The following RHOBTB2 variants were observed in gnomAD, a reference collection of about 807,000 sequenced individuals.
RHOBTB2 encodes the protein Rho related BTB domain containing 2, also known as rho-related BTB domain-containing protein 2.
In RHOBTB2, 39 loss-of-function variants were observed where a neutral mutation model predicts 66.5. That is an observed-to-expected ratio of 0.59 (90% CI 0.45 to 0.77). RHOBTB2 has a LOEUF of 0.77. Ranked by LOEUF, RHOBTB2 falls within the 30% of genes least tolerant of loss-of-function variation. The probability of loss-of-function intolerance (pLI) is 0.00; values close to 1 mark genes in which losing one functional copy is unlikely to be tolerated. For missense variants in RHOBTB2, 755 were observed against 999.1 expected (o/e 0.76, Z 3.29); for synonymous variants, 390 against 395.0 (o/e 0.99, Z 0.15).
At position 23,020,182 on chromosome 8, in the gene RHOBTB2, T is replaced by C. The variant is rs752276659; in HGVS notation, c.*2713T>C. ...ATTTGGTCATGGATTCATAAATACA[T>C]AAGTATTTTGTACACAATGTGCTTC... On this transcript the variant is annotated 3_prime_UTR_variant, in exon 10 of 10. Transcript: ENST00000251822. 1 of 429,580 alleles carries C rather than the reference T, an allele frequency of 2.3e-6. No individual in the cohort carries two copies. The highest frequency in any genetic ancestry group is 4.7e-6 in the Non-Finnish European group (1 of 212,140). The allele number at this position is 429,580 out of a possible 1,614,324, so 26.6% of individuals were successfully genotyped here.
chr8:22,991,696 G>A lies in RHOBTB2; in HGVS notation c.-136-372G>A, dbSNP rs545718288. On this transcript the variant is annotated intron_variant, in intron 1 of 11. Transcript: ENST00000519685. ...CTCTGACTTGCATTGTCATTTGGGG[G>A]TCTGTGTACCAAGAAGGCAGAGGGT... Among the ~76,000 whole-genome samples the A allele has an allele frequency of 1.1e-3, 174 of 152,256 alleles. 1 individual carries two copies. The highest frequency in any genetic ancestry group is 4.1e-3 in the African/African-American group (170 of 41,544).
At chr8:22,950,940 C>A in the RHOBTB2 span, among the ~76,000 whole-genome samples, 1,912 of 152,326 alleles carry the variant, frequency 0.013, 52 homozygotes, top group African/African-American at 0.043. Context: ...CCGGCATTCA[C>A]CGCTGCAAGT....
At chr8:23,011,039 A>G (rs1335427913) in intron 7 of RHOBTB2, among the ~76,000 whole-genome samples, 1 of 152,218 alleles carries the variant, frequency 6.6e-6, no homozygotes, top group Non-Finnish European at 1.5e-5. Flanking sequence ...AGACCAGCCT[A>G]GCCAACATGG....
At chr8:22,957,872 A>C in the RHOBTB2 span, among the ~76,000 whole-genome samples, 28 of 152,308 alleles carry the variant, frequency 1.8e-4, 1 homozygote, top group South Asian at 5.6e-3. Flanking sequence ...AAATGGGTCC[A>C]GGTGCTGGGG....
At chr8:22,979,275 T>C in the RHOBTB2 span, among the ~76,000 whole-genome samples, 39,290 of 152,084 alleles carry the variant, frequency 0.26, 5,487 homozygotes, top group Admixed American at 0.32. Context: ...AAATCTGTGC[T>C]TCTCTCAAAC....
Position 23,004,240 on chromosome 8 carries a change from G to T in RHOBTB2, c.-10-185G>T. 1 of 612,376 alleles carries T rather than the reference G, an allele frequency of 1.6e-6. No individual in the cohort carries two copies. The highest frequency in any genetic ancestry group is 2.9e-6 in the Non-Finnish European group (1 of 342,030). The allele number at this position is 612,376 out of a possible 1,614,324, so 37.9% of individuals were successfully genotyped here. ...TGACACTGCTCCTCTCAGCCTGAAT[G>T]GGCTCCTGGCCCCTTGGACCCTCGC... On this transcript the variant is annotated intron_variant, in intron 1 of 9. Transcript: ENST00000251822. This position sits in a 1 kb window ranked among gnomAD's most constrained non-coding sequence, Gnocchi z 6.4.
In RHOBTB2 at chr8:22,999,821, A is replaced by G. The variant is rs1376873071; in HGVS notation, c.-295A>G. On this transcript the variant is annotated 5_prime_UTR_variant, in exon 1 of 10. Coordinates refer to ENST00000251822, the MANE Select transcript of RHOBTB2 (RefSeq NM_015178.3). The stretch of plus-strand genomic sequence containing the variant: ...GCCCGGCTCCGCGCGCCGCCGTGAC[A>G]TTGGGCGCCTGGCGCGCGGGGCGAT... 4.1e-6 allele frequency: 4 copies of G among 983,332 alleles called. No individual in the cohort carries two copies. Among genetic ancestry groups the G allele is most frequent in the Non-Finnish European group, 4.8e-6 (4 of 829,594 alleles). 60.9% of individuals were successfully genotyped at this position (983,332 alleles called of 1,614,324 possible).
At chr8:22,966,876 T>C in the RHOBTB2 span, among the ~76,000 whole-genome samples, 1 of 152,162 alleles carries the variant, frequency 6.6e-6, no homozygotes, top group Non-Finnish European at 1.5e-5. Context: ...GGATGTCCAT[T>C]ATATATATTT....
At chr8:22,959,531 G>T in the RHOBTB2 span, among the ~76,000 whole-genome samples, 8 of 152,094 alleles carry the variant, frequency 5.3e-5, no homozygotes, top group African/African-American at 1.4e-4. Context: ...TGGGATTACA[G>T]GCATGAGTCA....
At chr8:22,954,851 G>A in the RHOBTB2 span, among the ~76,000 whole-genome samples, 8 of 152,206 alleles carry the variant, frequency 5.3e-5, no homozygotes, top group African/African-American at 1.9e-4. Flanking sequence ...GCCCCAGATG[G>A]CTGGGTGCGG....
Position 23,017,574 on chromosome 8 carries a change from C to T in RHOBTB2, c.*105C>T, listed in dbSNP as rs745472057. The T allele has an allele frequency of 2.3e-5, 34 of 1,487,468 alleles. No individual in the cohort carries two copies. The highest frequency in any genetic ancestry group is 8.4e-5 in the African/African-American group (6 of 71,808). 92.1% of individuals were successfully genotyped at this position (1,487,468 alleles called of 1,614,324 possible). ...CACCTTACAGGGACCAGGGGGCCCA[C>T]GTAACCAGGACCCAGAGGGTGGAGC... is the stretch of plus-strand genomic sequence containing the variant. On this transcript the variant is annotated 3_prime_UTR_variant, in exon 10 of 10. Coordinates refer to ENST00000251822, the MANE Select transcript of RHOBTB2 (RefSeq NM_015178.3). This position sits in a 1 kb window ranked among gnomAD's most constrained non-coding sequence, Gnocchi z 5.3.
At chr8:22,970,116 G>A in the RHOBTB2 span, among the ~76,000 whole-genome samples, 2 of 152,130 alleles carry the variant, frequency 1.3e-5, no homozygotes, top group Admixed American at 6.5e-5. Flanking sequence ...TACACAGGTG[G>A]GATAATTTAT....
chr8:22,983,258 G>A, upstream of RHOBTB2, among the ~76,000 whole-genome samples: 1 of 151,400 alleles, frequency 6.6e-6, no homozygotes, highest in Non-Finnish European at 1.5e-5. Flanking sequence ...GGGGAATATG[G>A]ACAACATGCA....
At chr8:22,957,597 T>C in the RHOBTB2 span, among the ~76,000 whole-genome samples, 1 of 152,188 alleles carries the variant, frequency 6.6e-6, no homozygotes, top group Non-Finnish European at 1.5e-5. Flanking sequence ...CTGCTTGTTC[T>C]TGTGGCCCAA....
At chr8:22,969,452 C>CAAT in the RHOBTB2 span, among the ~76,000 whole-genome samples, 1 of 152,146 alleles carries the variant, frequency 6.6e-6, no homozygotes, top group Non-Finnish European at 1.5e-5. Flanking sequence ...ACAAAAGTAG[C>CAAT]TTTCCACTCG....
chr8:23,005,041 G>C (rs1261297866), intron 2 of RHOBTB2, among the ~76,000 whole-genome samples: 1 of 152,124 alleles, frequency 6.6e-6, no homozygotes, highest in East Asian at 1.9e-4. Context: ...ACAAGGGTCA[G>C]CTCCCAAAGA....
the RHOBTB2 span, among the ~76,000 whole-genome samples, chr8:22,976,650 C>T: frequency 1.3e-5 from 2 of 151,880 alleles, no homozygotes; most frequent in Admixed American, 6.6e-5. Flanking sequence ...TTTTCTGATA[C>T]AGTCTCATTC....
the RHOBTB2 span, among the ~76,000 whole-genome samples, chr8:22,959,752 T>C: frequency 6.6e-6 from 1 of 152,156 alleles, no homozygotes; most frequent in East Asian, 1.9e-4. Context: ...ACCTTGTCAA[T>C]CAAAATTAAG....
At chr8:22,984,146 G>T (rs1810255420), upstream of RHOBTB2, among the ~76,000 whole-genome samples, 1 of 152,126 alleles carries the variant, frequency 6.6e-6, no homozygotes, top group African/African-American at 2.4e-5. Flanking sequence ...AGTACAAAAA[G>T]CTGTTGTACA....
Sources: allele counts gnomAD v4.1 joint callset (sites outside exome capture counted in the v4.1 genomes callset), GRCh38; gene constraint gnomAD v4.1.1; non-coding constraint Gnocchi (gnomAD v3.1); transcripts MANE v1.5; gene names NCBI Gene and HGNC (gene_info 2026-07-23, HGNC 2026-07-21).